Variants in RHD observed in about 807,000 individuals in gnomAD.
RHD encodes the protein blood group Rh(D) polypeptide.
RHD carries 16 observed loss-of-function variants against 45.5 expected under a neutral mutation model. The observed-to-expected ratio is 0.35, with a 90% CI of 0.24 to 0.53. The LOEUF (loss-of-function observed/expected upper bound fraction) is 0.53. RHD is among the 20% of genes least tolerant of loss of function. The probability of loss-of-function intolerance (pLI) is 0.92; values close to 1 mark genes in which losing one functional copy is unlikely to be tolerated. For missense variants in RHD, 306 were observed against 532.0 expected (o/e 0.58, Z 4.18); for synonymous variants, 131 against 217.5 (o/e 0.60, Z 3.50).
Position 25,280,859 on chromosome 1 carries a change from C to T in RHD, c.149-3714C>T, listed in dbSNP as rs1430829553. ...CTCCTCAGCTCAAGCAATCCTCCCT[C>T]CTTGGCCTCCCAAAGTGCTGGGATT... is the stretch of plus-strand genomic sequence containing the variant. On this transcript the variant is annotated intron_variant, in intron 1 of 9. Coordinates refer to ENST00000328664, the MANE Select transcript of RHD (RefSeq NM_016124.6). Among the ~76,000 whole-genome samples, 2 of 132,156 alleles carry T rather than the reference C, an allele frequency of 1.5e-5. 1 individual carries two copies. The highest frequency in any genetic ancestry group is 3.6e-5 in the Non-Finnish European group (2 of 55,802). The allele number at this position is 132,156 out of a possible 152,430, so 86.7% of individuals were successfully genotyped here.
At chr1:25,311,189 G>T (rs150173489) in intron 7 of RHD, among the ~76,000 whole-genome samples, 1,706 of 131,836 alleles carry the variant, frequency 0.013, 235 homozygotes, top group African/African-American at 0.041. Context: ...TTGGAAACTG[G>T]AGCAAAGGTC....
chr1:25,273,855 T>C (rs1236948427), intron 1 of RHD, among the ~76,000 whole-genome samples: 1 of 129,044 alleles, frequency 7.7e-6, no homozygotes, highest in African/African-American at 2.7e-5. Context: ...GAACGGCTAG[T>C]TAACTGGAAG....
At position 25,306,698 on chromosome 1, in the gene RHD, G is replaced by T. The variant is rs546425801; in HGVS notation, c.1042G>T (p.Val348Leu). 13 of 1,378,568 alleles carry T rather than the reference G, an allele frequency of 9.4e-6. 2 individuals carry two copies. The East Asian group carries it at 2.0e-4, about 21-fold the overall frequency. The allele number at this position is 1,378,568 out of a possible 1,614,324, so 85.4% of individuals were successfully genotyped here. Residue 348 changes from valine (V) to leucine (L), a missense_variant, in exon 7 of 10, where the codon GTG becomes TTG. Physicochemically the swap from Val to Leu is conservative, Grantham distance 32. Coordinates refer to ENST00000328664, the MANE Select transcript of RHD (RefSeq NM_016124.6). ...LGEIIYIVLL[V>L]LDTVGAGNGM... ...AGAGATCATCTACATTGTGCTGCTGGTGCTTGATACCGTCGGAGCCGGCAA... is the reference window on the plus strand; with the variant it reads ...AGAGATCATCTACATTGTGCTGCTGTTGCTTGATACCGTCGGAGCCGGCAA...
At position 25,304,679 on chromosome 1, in the gene RHD, A is replaced by G. The variant is rs1354861689; in HGVS notation, c.939+1220A>G. ...ATGAAATCCTGTCATTTGCAGCAAC[A>G]TGGATGGAACTGGAGGTAATTAAAA... On this transcript the variant is annotated intron_variant, in intron 6 of 9. Transcript: ENST00000328664. The G allele has an allele frequency of 2.3e-5, 3 of 132,010 alleles. 1 individual carries two copies. Among genetic ancestry groups the G allele is most frequent in the South Asian group, 4.6e-4 (2 of 4,340 alleles). 8.2% of individuals were successfully genotyped at this position (132,010 alleles called of 1,614,324 possible). A position where few individuals can be genotyped will look rare whatever the true frequency, so the allele number is the denominator to read the frequency against.
intron 2 of RHD, among the ~76,000 whole-genome samples, chr1:25,286,805 A>G (rs1235507430): frequency 2.3e-5 from 3 of 131,754 alleles, no homozygotes; most frequent in East Asian, 2.0e-4. Context: ...AAACAAAAAC[A>G]GTTTTAGGCC....
Position 25,290,656 on chromosome 1 carries a change from C to T in RHD, c.351C>T (p.Thr117=). 3 of 1,378,674 alleles carry T rather than the reference C, an allele frequency of 2.2e-6. 1 individual carries two copies. The highest frequency in any genetic ancestry group is 3.1e-6 in the Non-Finnish European group (3 of 978,414). The allele number at this position is 1,378,674 out of a possible 1,614,324, so 85.4% of individuals were successfully genotyped here. ...VITLFSIRLA[T]MSALSVLISV... ...TCTCCCCCAGTATTCGGCTGGCCACCATGAGTGCTTTGTCGGTGCTGATCT... is the reference window on the plus strand; with the variant it reads ...TCTCCCCCAGTATTCGGCTGGCCACTATGAGTGCTTTGTCGGTGCTGATCT... The change falls in exon 3 of 10, where the codon ACC becomes ACT. Residue 117 remains threonine, a synonymous_variant. Coordinates refer to ENST00000328664, the MANE Select transcript of RHD (RefSeq NM_016124.6).
chr1:25,321,256 T>C (rs1644681577), intron 8 of RHD, among the ~76,000 whole-genome samples: 1 of 126,318 alleles, frequency 7.9e-6, no homozygotes, highest in Admixed American at 7.9e-5. Context: ...TGGATCAGCT[T>C]TCGTGGGGCC....
At chr1:25,295,850 AT>A (rs61131306) in intron 3 of RHD, among the ~76,000 whole-genome samples, 89 of 81,294 alleles carry the variant, frequency 1.1e-3, no homozygotes, top group African/African-American at 3.8e-3. Flanking sequence ...AATATGGGAA[AT>A]TTTTTTTTTT....
intron 7 of RHD, among the ~76,000 whole-genome samples, chr1:25,313,264 C>A (rs1478529186): frequency 7.6e-6 from 1 of 131,680 alleles, no homozygotes; most frequent in African/African-American, 2.6e-5. Flanking sequence ...GCAAGAAGGT[C>A]CTCAACAGAT....
chr1:25,311,597 G>A (rs1468969904), intron 7 of RHD, among the ~76,000 whole-genome samples: 1 of 130,180 alleles, frequency 7.7e-6, no homozygotes, highest in African/African-American at 2.6e-5. Flanking sequence ...ATCAGGACAA[G>A]GGAGAAAAAC....
intron 7 of RHD, among the ~76,000 whole-genome samples, chr1:25,310,495 A>C (rs1277079131): frequency 1.5e-5 from 2 of 131,522 alleles, no homozygotes; most frequent in Non-Finnish European, 1.8e-5. Context: ...TTTTCTTTAT[A>C]ATCACCCAGT....
chr1:25,305,018 G>A (rs1643688676), intron 6 of RHD, among the ~76,000 whole-genome samples: 1 of 132,240 alleles, frequency 7.6e-6, no homozygotes. Context: ...CACTCATCTT[G>A]CTTTTCAAGC....
In RHD at chr1:25,311,003, G is replaced by A. The variant is rs1443929942; in HGVS notation, c.1073+4274G>A. ...AAAAAAAAAAAGAAAGAAAAAGAAT[G>A]GAGCATTAAAGACAGTTCTGCAGTT... On this transcript the variant is annotated intron_variant, in intron 7 of 9. Transcript: ENST00000328664. Among the ~76,000 whole-genome samples the A allele has an allele frequency of 3.9e-5, 5 of 129,672 alleles. 1 individual carries two copies. 85.1% of individuals were successfully genotyped at this position (129,672 alleles called of 152,430 possible).
In RHD at chr1:25,284,684, G is replaced by T. The variant is rs1342727278; in HGVS notation, c.260G>T (p.Gly87Val). The T allele has an allele frequency of 6.5e-6, 9 of 1,388,828 alleles. No individual in the cohort carries two copies. The highest frequency in any genetic ancestry group is 2.8e-5 in the African/African-American group (2 of 71,136). 86.0% of individuals were successfully genotyped at this position (1,388,828 alleles called of 1,614,324 possible). The change falls in exon 2 of 10, where the codon GGT (glycine) becomes GTT (valine). Residue 87 changes from glycine (G) to valine (V), a missense_variant. Gly to Val is a moderately radical substitution (Grantham distance 109, BLOSUM62 -3). Transcript: ENST00000328664. ...VAFNLFMLALGVQWAILLDGF... is the reference protein window; with the variant it reads ...VAFNLFMLALVVQWAILLDGF... Reference sequence around the variant, plus strand: ...TTCAACCTCTTCATGCTGGCGCTTGGTGTGCAGTGGGCAATCCTGCTGGAC... The same window carrying T: ...TTCAACCTCTTCATGCTGGCGCTTGTTGTGCAGTGGGCAATCCTGCTGGAC...
At chr1:25,281,714 T>C (rs628434) in intron 1 of RHD, among the ~76,000 whole-genome samples, 13,008 of 130,696 alleles carry the variant, frequency 0.1, 3,231 homozygotes, top group African/African-American at 0.32. Flanking sequence ...TCCCTCCTTG[T>C]TGTCAGAAGA....
Position 25,309,481 on chromosome 1 carries a change from C to A in RHD, c.1073+2752C>A, listed in dbSNP as rs1299055614. 2.3e-5 allele frequency among the ~76,000 whole-genome samples: 3 copies of A among 131,552 alleles called. 1 individual carries two copies. The East Asian group carries it at 5.9e-4, about 26-fold the overall frequency. The allele number at this position is 131,552 out of a possible 152,430, so 86.3% of individuals were successfully genotyped here. A position where few individuals can be genotyped will look rare whatever the true frequency, so the allele number is the denominator to read the frequency against. On this transcript the variant is annotated intron_variant, in intron 7 of 9. Transcript: ENST00000328664. ...ATTGTATCTCTTTTTACAGCTACCT[C>A]CCATTTCCCTTCTATTTCAAGCTAG...
chr1:25,299,110 A>G lies in RHD; in HGVS notation c.487-1836A>G, dbSNP rs4641340. ...AAAAAAAAAAAAACAGGCTGGGAGC[A>G]GTGGCTCATGCCTGTAATCCCAGCG... On this transcript the variant is annotated intron_variant, in intron 3 of 9. Coordinates refer to ENST00000328664, the MANE Select transcript of RHD (RefSeq NM_016124.6). 2.8e-3 allele frequency among the ~76,000 whole-genome samples: 349 copies of G among 123,672 alleles called. 91 individuals are homozygous for G. Among genetic ancestry groups the G allele is most frequent in the Non-Finnish European group, 5.0e-3 (267 of 53,144 alleles). 81.1% of individuals were successfully genotyped at this position (123,672 alleles called of 152,430 possible).
At chr1:25,296,348 G>A (rs1642959670) in intron 3 of RHD, among the ~76,000 whole-genome samples, 1 of 124,592 alleles carries the variant, frequency 8.0e-6, no homozygotes, top group Admixed American at 7.8e-5. Flanking sequence ...CTGGATTCAA[G>A]CAATTCTTGT....
At chr1:25,283,815 C>T (rs1271086862) in intron 1 of RHD, among the ~76,000 whole-genome samples, 3 of 133,868 alleles carry the variant, frequency 2.2e-5, no homozygotes, top group South Asian at 4.4e-4. Context: ...AAGTTTGTCT[C>T]GTTCTGGAGC....
Sources: gnomAD v4.1 joint callset for allele counts (sites outside exome capture counted in the v4.1 genomes callset) on GRCh38, gnomAD v4.1.1 for gene constraint, MANE v1.5 for transcripts, NCBI Gene and HGNC (gene_info 2026-07-23, HGNC 2026-07-21) for gene names.